The following PTPRT variants were observed in gnomAD, a reference collection of about 807,000 sequenced individuals.
PTPRT encodes the protein protein tyrosine phosphatase receptor type T.
Under a neutral mutation model 176.8 loss-of-function variants are expected in PTPRT, and 56 were observed. That is an observed-to-expected ratio of 0.32 (90% CI 0.26 to 0.40). PTPRT has a LOEUF of 0.40. Ranked by LOEUF, PTPRT falls within the 10% of genes least tolerant of loss-of-function variation. The probability of loss-of-function intolerance (pLI) is 1.00; values close to 1 mark genes in which losing one functional copy is unlikely to be tolerated. For missense variants in PTPRT, 1,540 were observed against 1,908.2 expected, an observed-to-expected ratio of 0.81 and a Z score of 3.60; for synonymous variants, 783 against 739.0, an observed-to-expected ratio of 1.06 and a Z score of -0.96.
At chr20:42,652,671 C>T (rs1326847510) in intron 7 of PTPRT, among the ~76,000 whole-genome samples, 1 of 152,112 alleles carries the variant, frequency 6.6e-6, no homozygotes. Flanking sequence ...GCCTATGGTG[C>T]CTCTGATAGC....
intron 27 of PTPRT, among the ~76,000 whole-genome samples, chr20:42,096,379 G>C (rs1362774053): frequency 2.6e-5 from 4 of 152,088 alleles, no homozygotes; most frequent in African/African-American, 9.7e-5. Context: ...GAGGCAGGGG[G>C]AACACTTGAG....
At position 42,806,002 on chromosome 20, in the gene PTPRT, GA is replaced by G. The variant is rs199648631; in HGVS notation, c.215-14537del. 5.6e-3 allele frequency among the ~76,000 whole-genome samples: 780 copies of G among 139,006 alleles called. 7 individuals are homozygous for G. Among genetic ancestry groups the G allele is most frequent in the African/African-American group, 0.021 (753 of 35,152 alleles). The allele number at this position is 139,006 out of a possible 152,430, so 91.2% of individuals were successfully genotyped here. On this transcript the variant is annotated intron_variant, in intron 2 of 30. Coordinates refer to ENST00000373187, the MANE Select transcript of PTPRT (RefSeq NM_007050.6). The stretch of plus-strand genomic sequence containing the variant: ...ACACCCTAATTCCTAATATAGGGAA[GA>G]TTTTTTTTTTTTTTTTTAATCTTAC...
chr20:43,175,417 C>G (rs963873582), intron 1 of PTPRT, among the ~76,000 whole-genome samples: 2 of 152,256 alleles, frequency 1.3e-5, no homozygotes, highest in Non-Finnish European at 2.9e-5. Context: ...ATGACAGAAG[C>G]AAACTGTACA....
At chr20:42,489,666 A>G (rs2071528112) in intron 7 of PTPRT, among the ~76,000 whole-genome samples, 1 of 152,044 alleles carries the variant, frequency 6.6e-6, no homozygotes, top group African/African-American at 2.4e-5. Context: ...TTCTTACTTT[A>G]TTCACTCAGC....
intron 14 of PTPRT, among the ~76,000 whole-genome samples, chr20:42,238,763 T>C (rs2056294465): frequency 6.6e-6 from 1 of 152,190 alleles, no homozygotes; most frequent in Non-Finnish European, 1.5e-5. Context: ...CCAAGGTGGA[T>C]GGCATAGATG....
In PTPRT at chr20:42,780,205, G is replaced by A; in HGVS notation, c.568+13C>T. On this transcript the variant is annotated intron_variant, in intron 4 of 30. Coordinates refer to ENST00000373187, the MANE Select transcript of PTPRT (RefSeq NM_007050.6). ...TGGATCAAGGCTGTGTTGGGAGGAA[G>A]GGAAAGACTTACTGCATGGATGAGC... 3.1e-6 allele frequency: 5 copies of A among 1,607,696 alleles called. No individual in the cohort carries two copies. The highest frequency in any genetic ancestry group is 4.3e-6 in the Non-Finnish European group (5 of 1,174,222).
At position 42,108,300 on chromosome 20, in the gene PTPRT, A is replaced by AC. The variant is rs1279178418; in HGVS notation, c.3255-1380dup. Among the ~76,000 whole-genome samples, 36 of 152,020 alleles carry AC rather than the reference A, an allele frequency of 2.4e-4. No homozygotes were observed. In the East Asian group the frequency reaches 4.8e-3, roughly 20 times the overall value. On this transcript the variant is annotated intron_variant, in intron 23 of 30. Transcript: ENST00000373187. ...AATTGAACACAGGATATTTGAAAAG[A>AC]CCCCCTAGGATTAAATCCTGGCTCT...
At chr20:42,843,583 G>A (rs563781403) in intron 2 of PTPRT, among the ~76,000 whole-genome samples, 1 of 152,322 alleles carries the variant, frequency 6.6e-6, no homozygotes, top group South Asian at 2.1e-4. Context: ...ATTTAGAGTT[G>A]AGCAATAGTA....
intron 9 of PTPRT, among the ~76,000 whole-genome samples, chr20:42,444,488 T>C (rs2145841806): frequency 6.6e-6 from 1 of 152,308 alleles, no homozygotes; most frequent in Non-Finnish European, 1.5e-5. Flanking sequence ...TGTCTGAGGA[T>C]GGACTCAGAG....
intron 1 of PTPRT, among the ~76,000 whole-genome samples, chr20:42,908,718 TC>T (rs1291656064): frequency 3.9e-5 from 6 of 152,252 alleles, no homozygotes; most frequent in Non-Finnish European, 7.3e-5. Context: ...CTATCAAATT[TC>T]TTTCATGTGT....
chr20:42,734,001 T>G (rs190364696), intron 6 of PTPRT, among the ~76,000 whole-genome samples: 1 of 152,218 alleles, frequency 6.6e-6, no homozygotes, highest in Non-Finnish European at 1.5e-5. Context: ...AAGCAGACCC[T>G]GAAGCCATGT....
chr20:42,543,289 A>G (rs2072615829), intron 7 of PTPRT, among the ~76,000 whole-genome samples: 1 of 152,206 alleles, frequency 6.6e-6, no homozygotes, highest in Non-Finnish European at 1.5e-5. Context: ...GTAACTTTAT[A>G]TAATTTTCTA....
chr20:42,711,184 C>G (rs566171818), intron 6 of PTPRT, among the ~76,000 whole-genome samples: 5 of 152,276 alleles, frequency 3.3e-5, no homozygotes, highest in African/African-American at 1.2e-4. Context: ...AGTGGATGCT[C>G]TAATAAGTTA....
At chr20:42,796,905 G>A (rs569275716) in intron 2 of PTPRT, among the ~76,000 whole-genome samples, 1 of 152,294 alleles carries the variant, frequency 6.6e-6, no homozygotes, top group East Asian at 1.9e-4. Context: ...TGACTCTCAA[G>A]TACCATCTTC....
chr20:42,548,470 T>C (rs573132053), intron 7 of PTPRT, among the ~76,000 whole-genome samples: 119 of 152,022 alleles, frequency 7.8e-4, no homozygotes, highest in Non-Finnish European at 1.4e-3. Context: ...TGGAAAAAAA[T>C]AAAACATGCA....
At chr20:42,227,600 G>GTT (rs10854224) in intron 15 of PTPRT, among the ~76,000 whole-genome samples, 27 of 61,848 alleles carry the variant, frequency 4.4e-4, no homozygotes, top group East Asian at 1.1e-3. Flanking sequence ...GTCCCTCATT[G>GTT]TTTTTTTTTT....
In PTPRT at chr20:42,922,752, C is replaced by T. The variant is rs190205381; in HGVS notation, c.89-36820G>A. ...TCCTCCCCTGCTGCTTCCATCTGCC[C>T]CAGAAGTCACACCTCAGCCTAGATT... On this transcript the variant is annotated intron_variant, in intron 1 of 30. Transcript: ENST00000373187. Among the ~76,000 whole-genome samples, 750 of 152,246 alleles carry T rather than the reference C, an allele frequency of 4.9e-3. 4 individuals are homozygous for T. Among genetic ancestry groups the T allele is most frequent in the African/African-American group, 0.017 (696 of 41,540 alleles).
intron 1 of PTPRT, among the ~76,000 whole-genome samples, chr20:43,132,715 G>T (rs936483261): frequency 6.6e-6 from 1 of 152,014 alleles, no homozygotes; most frequent in East Asian, 1.9e-4. Flanking sequence ...AAATATAACC[G>T]AATAAAATAA....
rs145577192 is a variant in PTPRT, at chr20:42,491,680, G to A, written c.1154-19118C>T. Among the ~76,000 whole-genome samples, 54 of 152,194 alleles carry A rather than the reference G, an allele frequency of 3.5e-4. No individual in the cohort carries two copies. The South Asian group carries it at 5.6e-3, about 16-fold the overall frequency. ...TCTTGGAAGCAGAGAGTGAATCCTC[G>A]TCACACACCAAATTTGCCAGATCTT... On this transcript the variant is annotated intron_variant, in intron 7 of 30. Coordinates refer to ENST00000373187, the MANE Select transcript of PTPRT (RefSeq NM_007050.6).
Sources: allele counts gnomAD v4.1 joint callset (sites outside exome capture counted in the v4.1 genomes callset), GRCh38; gene constraint gnomAD v4.1.1; transcripts MANE v1.5; gene names NCBI Gene and HGNC (gene_info 2026-07-23, HGNC 2026-07-21).